The following PKHD1L1 variants were observed in gnomAD, a reference collection of about 807,000 sequenced individuals.
PKHD1L1 encodes fibrocystin-L.
Under a neutral mutation model 462.9 loss-of-function variants are expected in PKHD1L1, and 434 were observed. The observed-to-expected ratio is 0.94, with a 90% CI of 0.87 to 1.02. The LOEUF (loss-of-function observed/expected upper bound fraction) is 1.02, where lower values mean the gene tolerates loss of function less well. PKHD1L1 is among the 50% of genes least tolerant of loss of function. The pLI, the probability that PKHD1L1 is intolerant of heterozygous loss-of-function variation, is 0.00. For missense variants in PKHD1L1, 5,202 were observed against 5,096.1 expected (o/e 1.02, Z -0.63); for synonymous variants, 1,781 against 1,750.0 (o/e 1.02, Z -0.44).
intron 67 of PKHD1L1, among the ~76,000 whole-genome samples, chr8:109,501,401 G>A (rs1819407317): frequency 6.6e-6 from 1 of 152,148 alleles, no homozygotes; most frequent in Admixed American, 6.5e-5. Flanking sequence ...GTGAGTCCTA[G>A]TATGGTGGTG....
chr8:109,504,994 C>T (rs1042517555), intron 68 of PKHD1L1, among the ~76,000 whole-genome samples: 2 of 152,110 alleles, frequency 1.3e-5, no homozygotes, highest in African/African-American at 4.8e-5. Context: ...CCACCTCAGC[C>T]TCCCAAGCAG....
intron 57 of PKHD1L1, 128 bp downstream of exon 57, chr8:109,483,233 A>T: frequency 1.5e-6 from 1 of 652,636 alleles, no homozygotes; most frequent in Non-Finnish European, 2.3e-6. Flanking sequence ...TGTATTTTGC[A>T]ATAAGCTTGC....
At chr8:109,508,040 A>T in intron 69 of PKHD1L1, 57 bp from the exon 70 acceptor site, 2 of 1,520,772 alleles carry the variant, frequency 1.3e-6, no homozygotes, top group East Asian at 4.5e-5. Flanking sequence ...TGTTATAAGG[A>T]TTTTTTTGCA....
Position 109,464,565 on chromosome 8 carries a change from G to T in PKHD1L1, c.7733G>T (p.Gly2578Val). 1 of 1,613,384 alleles carries T rather than the reference G, an allele frequency of 6.2e-7. No homozygotes were observed. The highest frequency in any genetic ancestry group is 8.5e-7 in the Non-Finnish European group (1 of 1,179,786). Residue 2578 changes from glycine (G) to valine (V), a missense_variant, in exon 49 of 78, where the codon GGT becomes GTT. Gly to Val is a moderately radical substitution (Grantham distance 109). This residue lies in a region of PKHD1L1 where 4,497 missense variants were observed against 4,336.8 expected (regional missense o/e 1.04). Transcript: ENST00000378402. ...NNTIRHNAVA[G>V]GTHFGFWYRM... ...ACCATACGACACAATGCTGTTGCTG[G>T]TGGCACTCACTTTGGCTTTTGGTAC...
chr8:109,408,486 A>G (rs750104961), intron 18 of PKHD1L1, among the ~76,000 whole-genome samples: 1 of 152,158 alleles, frequency 6.6e-6, no homozygotes, highest in East Asian at 1.9e-4. Context: ...GAGTCCCTCT[A>G]TGCACACTGG....
At chr8:109,454,115 C>A in intron 43 of PKHD1L1, 52 bp from the exon 44 acceptor site, 1 of 1,183,588 alleles carries the variant, frequency 8.4e-7, no homozygotes. Context: ...TAATAGGTAA[C>A]TTTTAACAAG....
intron 12 of PKHD1L1, among the ~76,000 whole-genome samples, chr8:109,399,184 T>C (rs1029401151): frequency 1.1e-4 from 16 of 152,224 alleles, no homozygotes; most frequent in African/African-American, 3.6e-4. Flanking sequence ...ATTTGTTTGG[T>C]TTGAATATTA....
At chr8:109,508,651 GA>G (rs1463459687) in intron 70 of PKHD1L1, among the ~76,000 whole-genome samples, 3 of 152,238 alleles carry the variant, frequency 2.0e-5, no homozygotes, top group East Asian at 3.9e-4. Context: ...ATTAAAAACT[GA>G]TAATGTGTTA....
At chr8:109,448,952 T>G (rs1318498868) in intron 39 of PKHD1L1, among the ~76,000 whole-genome samples, 1 of 152,156 alleles carries the variant, frequency 6.6e-6, no homozygotes, top group African/African-American at 2.4e-5. Flanking sequence ...CTACATAAAT[T>G]AGTATCTTTT....
At chr8:109,503,327 A>G (rs906116522) in intron 67 of PKHD1L1, among the ~76,000 whole-genome samples, 14 of 151,428 alleles carry the variant, frequency 9.2e-5, no homozygotes, top group Non-Finnish European at 1.6e-4. Context: ...AAAAAAAAAC[A>G]GAAGACCGCA....
rs754365323 is a variant in PKHD1L1, at chr8:109,408,047, A to G, written c.1814-2A>G. On this transcript the variant is annotated splice_acceptor_variant, in intron 17 of 77. Coordinates refer to ENST00000378402, the MANE Select transcript of PKHD1L1 (RefSeq NM_177531.6). LOFTEE classifies it high-confidence loss of function. ...CAAATTCTGTTTGTCACTTAATTTCAGGAGACTTTGATCTGCTTGGTTATG... is the reference window on the plus strand; with the variant it reads ...CAAATTCTGTTTGTCACTTAATTTCGGGAGACTTTGATCTGCTTGGTTATG... 5.7e-6 allele frequency: 9 copies of G among 1,582,208 alleles called. No homozygotes were observed. The highest frequency in any genetic ancestry group is 5.4e-5 in the African/African-American group (4 of 74,292).
Position 109,485,075 on chromosome 8 carries a change from G to C in PKHD1L1, c.9608G>C (p.Ser3203Thr), listed in dbSNP as rs754874994. ...GAAGAGATTGTGATAACAACCACAAGCTACGATTTCCACCAGACAGAAACA... is the reference window on the plus strand; with the variant it reads ...GAAGAGATTGTGATAACAACCACAACCTACGATTTCCACCAGACAGAAACA... ...EGEEIVITTT[S>T]YDFHQTETRS... The change falls in exon 58 of 78, where the codon AGC (serine) becomes ACC (threonine). Residue 3203 changes from serine to threonine, a missense_variant. Coordinates refer to ENST00000378402, the MANE Select transcript of PKHD1L1 (RefSeq NM_177531.6). The C allele has an allele frequency of 5.0e-6, 8 of 1,601,380 alleles. No individual in the cohort carries two copies. Among genetic ancestry groups the C allele is most frequent in the Non-Finnish European group, 6.8e-6 (8 of 1,173,718 alleles).
chr8:109,522,408 C>T (rs956043417), intron 74 of PKHD1L1, 71 bp downstream of exon 74: 15 of 1,369,494 alleles, frequency 1.1e-5, no homozygotes, highest in Middle Eastern at 2.0e-4. Context: ...CTTATTTTAA[C>T]TCTCTGTTTC....
At chr8:109,395,964 A>T in intron 10 of PKHD1L1, 63 bp from the exon 11 acceptor site, 1 of 1,178,726 alleles carries the variant, frequency 8.5e-7, no homozygotes, top group Non-Finnish European at 1.2e-6. Flanking sequence ...ATTTTTAAAA[A>T]ATCAGGTATT....
chr8:109,525,093 ACT>A (rs1448456592), intron 76 of PKHD1L1, among the ~76,000 whole-genome samples: 3 of 152,112 alleles, frequency 2.0e-5, no homozygotes, highest in African/African-American at 7.2e-5. Context: ...TCTTTCACTG[ACT>A]CTTTCTAGCA....
At chr8:109,512,672 G>A (rs866304668) in intron 71 of PKHD1L1, among the ~76,000 whole-genome samples, 4,281 of 151,962 alleles carry the variant, frequency 0.028, 126 homozygotes, top group African/African-American at 0.073. Flanking sequence ...TTGACTTGGC[G>A]TTGCGGGCTC....
At chr8:109,520,225 C>T (rs563501702) in intron 73 of PKHD1L1, among the ~76,000 whole-genome samples, 76 of 152,208 alleles carry the variant, frequency 5.0e-4, no homozygotes, top group African/African-American at 1.8e-3. Flanking sequence ...GTTCTGTACT[C>T]ACTTGGACTT....
intron 67 of PKHD1L1, among the ~76,000 whole-genome samples, chr8:109,501,307 C>T (rs1178391695): frequency 1.3e-5 from 2 of 152,112 alleles, no homozygotes; most frequent in African/African-American, 4.8e-5. Context: ...TTGTCTTATG[C>T]TCACCCCTGT....
intron 57 of PKHD1L1, 117 bp downstream of exon 57, chr8:109,483,222 GTGTATTT>G: frequency 5.5e-6 from 4 of 727,064 alleles, no homozygotes; most frequent in Non-Finnish European, 8.1e-6. Context: ...GATGAAAAAT[GTGTATTT>G]TGCAATAAGC....
Sources: allele counts gnomAD v4.1 joint callset (sites outside exome capture counted in the v4.1 genomes callset), GRCh38; gene constraint gnomAD v4.1.1; regional missense constraint gnomAD v4.1.1; transcripts MANE v1.5; gene names NCBI Gene and HGNC (gene_info 2026-07-23, HGNC 2026-07-21).